The following COL4A2 variants were observed in gnomAD, a reference collection of about 807,000 sequenced individuals.
COL4A2 encodes the protein collagen type IV alpha 2 chain, also known as collagen alpha-2(IV) chain.
COL4A2 carries 99 observed loss-of-function variants against 200.2 expected under a neutral mutation model. The ratio of observed to expected loss-of-function variants is 0.49; its 90% CI spans 0.42 to 0.58. COL4A2 has a LOEUF of 0.58. Among genes scored for constraint, COL4A2 ranks in the 20% least tolerant of loss-of-function variants. The probability of loss-of-function intolerance (pLI) is 0.00; values close to 1 mark genes in which losing one functional copy is unlikely to be tolerated. For synonymous variants in COL4A2, 897 were observed against 900.6 expected (o/e 1.00, Z 0.07); for missense variants, 1,950 against 2,314.1 (o/e 0.84, Z 3.23).
intron 16 of COL4A2, among the ~76,000 whole-genome samples, chr13:110,442,184 G>A (rs1016165663): frequency 6.6e-6 from 1 of 151,848 alleles, no homozygotes; most frequent in Non-Finnish European, 1.5e-5. Flanking sequence ...TGTAAACAGT[G>A]GCCACCTGGC....
rs1884804521 is a variant in COL4A2, at chr13:110,307,424, G to A, written c.-149G>A. The A allele has an allele frequency of 4.9e-6, 1 of 202,520 alleles. No individual in the cohort carries two copies. Among genetic ancestry groups the A allele is most frequent in the East Asian group, 1.1e-4 (1 of 8,814 alleles). The allele number at this position is 202,520 out of a possible 1,614,324, so 12.5% of individuals were successfully genotyped here. ...GGCCGCCCGAGCCCCCGGGGCCGGC[G>A]CCCAGAGAGCCCAGCAAGGCCGGCC... On this transcript the variant is annotated 5_prime_UTR_variant, in exon 1 of 48. Transcript: ENST00000360467. The surrounding 1 kb of genome is among the most constrained non-coding windows in gnomAD (Gnocchi z 5.0).
chr13:110,349,856 C>A (rs1485664120), intron 3 of COL4A2, among the ~76,000 whole-genome samples: 1 of 152,026 alleles, frequency 6.6e-6, no homozygotes, highest in South Asian at 2.1e-4. Context: ...CTCCACTTCT[C>A]GGGTTGAAGT....
At chr13:110,356,640 G>A (rs1312415474) in intron 3 of COL4A2, among the ~76,000 whole-genome samples, 4 of 152,204 alleles carry the variant, frequency 2.6e-5, no homozygotes, top group East Asian at 3.8e-4. Context: ...CCCATGCCCC[G>A]GAGTTTCTCA....
At chr13:110,480,535 G>A in intron 31 of COL4A2, 145 bp downstream of exon 31, 1 of 808,968 alleles carries the variant, frequency 1.2e-6, no homozygotes, top group Non-Finnish European at 1.8e-6. Flanking sequence ...GGACTCTCCT[G>A]ACCTAGGAGA....
At chr13:110,504,509 G>A (rs1177010475) in intron 45 of COL4A2, among the ~76,000 whole-genome samples, 3 of 152,244 alleles carry the variant, frequency 2.0e-5, no homozygotes, top group Admixed American at 2.0e-4. Flanking sequence ...GGAGTGGGCG[G>A]CAGGGATCAG....
chr13:110,439,790 G>A lies in COL4A2; in HGVS notation c.914G>A (p.Gly305Asp). The change falls in exon 16 of 48, where the codon GGT becomes GAT. Residue 305 changes from glycine (G) to aspartate (D), a missense_variant and splice_region_variant. Physicochemically the swap from Gly to Asp is moderately conservative, Grantham distance 94. Transcript: ENST00000360467. ...GCTTCTGTTTTTTGTTCATTCCAGG[G>A]TTACCCTGGCTTGAGTGGTGAAAAA... The part of the protein sequence containing the change: ...EGIMGFPGLR[G>D]YPGLSGEKGS... 6.2e-7 allele frequency: 1 copy of A among 1,613,944 alleles called. No homozygotes were observed. Among genetic ancestry groups the A allele is most frequent in the Non-Finnish European group, 8.5e-7 (1 of 1,179,960 alleles).
chr13:110,316,374 G>A (rs980791090), intron 3 of COL4A2, among the ~76,000 whole-genome samples: 2 of 152,206 alleles, frequency 1.3e-5, no homozygotes, highest in Non-Finnish European at 2.9e-5. Context: ...AGAGAAAGGA[G>A]ATGCCGATTG....
intron 30 of COL4A2, among the ~76,000 whole-genome samples, chr13:110,478,813 T>C (rs1451054660): frequency 6.6e-6 from 1 of 151,120 alleles, no homozygotes; most frequent in Non-Finnish European, 1.5e-5. Context: ...GGAAGTGTTG[T>C]ATGTCACCAA....
chr13:110,402,387 A>G (rs1006430101), intron 4 of COL4A2, among the ~76,000 whole-genome samples: 4 of 152,226 alleles, frequency 2.6e-5, no homozygotes, highest in Non-Finnish European at 5.9e-5. Context: ...CCAAAACCCA[A>G]CAGGGCAAAG....
At position 110,472,987 on chromosome 13, in the gene COL4A2, C is replaced by T. The variant is rs1357870463; in HGVS notation, c.2262C>T (p.Ser754=). 5 of 1,539,574 alleles carry T rather than the reference C, an allele frequency of 3.2e-6. No individual in the cohort carries two copies. The highest frequency in any genetic ancestry group is 4.4e-6 in the Non-Finnish European group (5 of 1,144,108). ...GAVGLPGPDG[S]PGPIGLPGPD... ...TGGGCCTCCCTGGCCCAGATGGATCCCCAGGTCCCATCGGCCTGCCAGGGC... is the reference window on the plus strand; with the variant it reads ...TGGGCCTCCCTGGCCCAGATGGATCTCCAGGTCCCATCGGCCTGCCAGGGC... Residue 754 remains serine (S), a synonymous_variant, in exon 29 of 48, where the codon TCC becomes TCT. Coordinates refer to ENST00000360467, the MANE Select transcript of COL4A2 (RefSeq NM_001846.4).
At chr13:110,352,073 G>A (rs1876983692) in intron 3 of COL4A2, among the ~76,000 whole-genome samples, 2 of 152,194 alleles carry the variant, frequency 1.3e-5, no homozygotes, top group South Asian at 4.1e-4. Context: ...AACTCAGGAT[G>A]TTCCTGATTC....
At chr13:110,495,114 C>T (rs1242533838) in intron 39 of COL4A2, among the ~76,000 whole-genome samples, 4 of 152,326 alleles carry the variant, frequency 2.6e-5, no homozygotes, top group Admixed American at 6.5e-5. Flanking sequence ...TGATGGGCCT[C>T]GATCCTCTTA....
At chr13:110,340,660 A>T (rs1322617571) in intron 3 of COL4A2, among the ~76,000 whole-genome samples, 1 of 152,204 alleles carries the variant, frequency 6.6e-6, no homozygotes, top group Non-Finnish European at 1.5e-5. Context: ...GGAAGAAAGG[A>T]GAGCAGTCCT....
chr13:110,493,397 G>C, intron 39 of COL4A2, 115 bp downstream of exon 39: 1 of 1,112,880 alleles, frequency 9.0e-7, no homozygotes, highest in South Asian at 1.3e-5. Flanking sequence ...AGCAGGGTGG[G>C]CTTCCTGAAG....
intron 4 of COL4A2, among the ~76,000 whole-genome samples, chr13:110,381,439 G>T (rs1156285745): frequency 6.6e-6 from 1 of 152,192 alleles, no homozygotes; most frequent in African/African-American, 2.4e-5. Flanking sequence ...CTAAAATACT[G>T]TAAATCCTAT....
At chr13:110,389,865 C>CAA (rs5806852) in intron 4 of COL4A2, among the ~76,000 whole-genome samples, 15,874 of 148,250 alleles carry the variant, frequency 0.11, 1,183 homozygotes, top group East Asian at 0.38. Flanking sequence ...CTTTCTAAAG[C>CAA]AAAAAAAAAA....
intron 4 of COL4A2, among the ~76,000 whole-genome samples, chr13:110,409,705 G>T (rs1033594029): frequency 6.6e-6 from 1 of 152,222 alleles, no homozygotes; most frequent in Non-Finnish European, 1.5e-5. Context: ...CAGGACCCGG[G>T]CTTCATGTCT....
chr13:110,509,597 G>A (rs767237311), intron 47 of COL4A2, among the ~76,000 whole-genome samples: 4 of 151,862 alleles, frequency 2.6e-5, no homozygotes, highest in Non-Finnish European at 4.4e-5. Context: ...TTTCACTCCC[G>A]TTGTTAAATT....
rs1423244630 is a variant in COL4A2, at chr13:110,355,378, C to A, written c.100-2094C>A. On this transcript the variant is annotated intron_variant, in intron 3 of 47. Coordinates refer to ENST00000360467, the MANE Select transcript of COL4A2 (RefSeq NM_001846.4). ...TGTGGGGGAGGGCTGCACTAGCTCACCTGTGTGGGGGGAGGGCTGCACTAG... is the reference window on the plus strand; with the variant it reads ...TGTGGGGGAGGGCTGCACTAGCTCAACTGTGTGGGGGGAGGGCTGCACTAG... 1.4e-4 allele frequency among the ~76,000 whole-genome samples: 15 copies of A among 103,844 alleles called. 1 individual carries two copies. The highest frequency in any genetic ancestry group is 6.5e-4 in the African/African-American group (12 of 18,360). 68.1% of individuals were successfully genotyped at this position (103,844 alleles called of 152,430 possible). A position where few individuals can be genotyped will look rare whatever the true frequency, so the allele number is the denominator to read the frequency against.
Sources: allele counts gnomAD v4.1 joint callset (sites outside exome capture counted in the v4.1 genomes callset), GRCh38; gene constraint gnomAD v4.1.1; non-coding constraint Gnocchi (gnomAD v3.1); transcripts MANE v1.5; gene names NCBI Gene and HGNC (gene_info 2026-07-23, HGNC 2026-07-21).